PCDHGB5: variants seen among roughly 807,000 people sequenced by gnomAD.
PCDHGB5 encodes the protein protocadherin gamma-B5.
A neutral mutation model predicts 62.9 loss-of-function variants in PCDHGB5; 48 were observed. That is an observed-to-expected ratio of 0.76 (90% confidence interval 0.61 to 0.97). PCDHGB5 has a LOEUF of 0.97. PCDHGB5 is among the 50% of genes least tolerant of loss of function. The probability of loss-of-function intolerance (pLI) is 0.00; values close to 1 mark genes in which losing one functional copy is unlikely to be tolerated. For missense variants in PCDHGB5, 1,118 were observed against 1,198.6 expected, an observed-to-expected ratio of 0.93 and a Z score of 0.99; for synonymous variants, 474 against 511.2, an observed-to-expected ratio of 0.93 and a Z score of 0.98.
Position 141,490,743 on chromosome 5 carries a change from C to T in PCDHGB5, c.2398-4064C>T, listed in dbSNP as rs1011278142. 7.4e-6 allele frequency: 12 copies of T among 1,614,058 alleles called. No homozygotes were observed. The highest frequency in any genetic ancestry group is 1.0e-5 in the Non-Finnish European group (12 of 1,180,038). On this transcript the variant is annotated intron_variant, in intron 1 of 3. Transcript: ENST00000617380. This position sits in a 1 kb window ranked among gnomAD's most constrained non-coding sequence, Gnocchi z 5.4. ...TTGTAGGAAATCAGGTTCAGGGAGC[C>T]CCAGCCTCCTCCTTTGTGTATGTCA...
intron 1 of PCDHGB5, among the ~76,000 whole-genome samples, chr5:141,407,377 C>A (rs1436703926): frequency 6.6e-6 from 1 of 152,170 alleles, no homozygotes; most frequent in Non-Finnish European, 1.5e-5. Context: ...TCCATGAAGG[C>A]TTGTATGTCA....
At chr5:141,459,703 T>G (rs2098973426) in intron 1 of PCDHGB5, among the ~76,000 whole-genome samples, 1 of 152,226 alleles carries the variant, frequency 6.6e-6, no homozygotes, top group African/African-American at 2.4e-5. Context: ...CTTGCTACAT[T>G]TTCTCACCAA....
At chr5:141,419,762 A>G in intron 1 of PCDHGB5, 1 of 1,614,008 alleles carries the variant, frequency 6.2e-7, no homozygotes, top group Non-Finnish European at 8.5e-7. Context: ...TTTGGGTGAC[A>G]AGGACTCGGT....
intron 1 of PCDHGB5, chr5:141,403,047 G>T: frequency 6.2e-7 from 1 of 1,614,062 alleles, no homozygotes; most frequent in Non-Finnish European, 8.5e-7. Flanking sequence ...AGTCAGATTC[G>T]CTACTCAGTG....
At chr5:141,433,381 A>ATCTG (rs1561869478) in intron 1 of PCDHGB5, among the ~76,000 whole-genome samples, 2 of 151,148 alleles carry the variant, frequency 1.3e-5, no homozygotes, top group Non-Finnish European at 2.9e-5. Flanking sequence ...CTATCTATCT[A>ATCTG]TCTATCTATC....
rs537619617 is a variant in PCDHGB5 at position 141,483,429 on chromosome 5, C to G, written c.2398-11378C>G. On this transcript the variant is annotated intron_variant, in intron 1 of 3. Coordinates refer to ENST00000617380, the MANE Select transcript of PCDHGB5 (RefSeq NM_018925.3). ...ACAGTGGCAGTACAGATGGAGGGAGCTGACTACAATAAAATCATCAGGACT... is the reference window on the plus strand; with the variant it reads ...ACAGTGGCAGTACAGATGGAGGGAGGTGACTACAATAAAATCATCAGGACT... Among the ~76,000 whole-genome samples the G allele has an allele frequency of 5.3e-5, 8 of 152,158 alleles. No individual in the cohort carries two copies. In the East Asian group the frequency reaches 1.5e-3, roughly 29 times the overall value.
At chr5:141,499,289 C>T in intron 2 of PCDHGB5, among the ~76,000 whole-genome samples, 1 of 152,212 alleles carries the variant, frequency 6.6e-6, no homozygotes, top group African/African-American at 2.4e-5. Context: ...GATGGCTCCA[C>T]ACTACCATCC....
intron 2 of PCDHGB5, among the ~76,000 whole-genome samples, chr5:141,496,492 C>A (rs2099769172): frequency 6.6e-6 from 1 of 152,186 alleles, no homozygotes; most frequent in Non-Finnish European, 1.5e-5. Context: ...CCAACCAAAC[C>A]CTTGTTGCCA....
In PCDHGB5 at chr5:141,477,650, A is replaced by G. The variant is rs199931735; in HGVS notation, c.2398-17157A>G. ...CGGGCTAGTGGGTCGCTATTTCACA[A>G]TAAATCGTGACAATGGCATAGTGTC... On this transcript the variant is annotated intron_variant, in intron 1 of 3. Transcript: ENST00000617380. This position sits in a 1 kb window ranked among gnomAD's most constrained non-coding sequence, Gnocchi z 4.9. The G allele has an allele frequency of 6.2e-6, 10 of 1,614,212 alleles. No individual in the cohort carries two copies. The highest frequency in any genetic ancestry group is 2.2e-5 in the East Asian group (1 of 44,888).
chr5:141,431,296 C>T lies in PCDHGB5; in HGVS notation c.2397+30772C>T, dbSNP rs2097358592. On this transcript the variant is annotated intron_variant, in intron 1 of 3. Transcript: ENST00000617380. The surrounding 1 kb of genome is among the most constrained non-coding windows in gnomAD (Gnocchi z 4.8). ...AGCTCAGCCCGAACACTCACTTCTC[C>T]CTCATCGTGCAAAATGGAGCCGACG... The T allele has an allele frequency of 1.9e-6, 3 of 1,614,018 alleles. No individual in the cohort carries two copies. Among genetic ancestry groups the T allele is most frequent in the Non-Finnish European group, 2.5e-6 (3 of 1,180,048 alleles).
chr5:141,446,482 CTT>C (rs112180482), intron 1 of PCDHGB5, among the ~76,000 whole-genome samples: 6 of 147,048 alleles, frequency 4.1e-5, no homozygotes, highest in East Asian at 4.0e-4. Context: ...GGTCATCATT[CTT>C]TTTTTTTTTT....
At chr5:141,410,698 C>G in intron 1 of PCDHGB5, 1 of 1,482,836 alleles carries the variant, frequency 6.7e-7, no homozygotes, top group Non-Finnish European at 9.0e-7. Context: ...ACTTTATTTT[C>G]ATATCTAGAA....
At position 141,490,788 on chromosome 5, in the gene PCDHGB5, C is replaced by G. The variant is rs2099704332; in HGVS notation, c.2398-4019C>G. ...ATGTCAACCCAGAGGATGGACGGAT[C>G]TTTGCCCAGCGTACCTTTGACTATG... On this transcript the variant is annotated intron_variant, in intron 1 of 3. Coordinates refer to ENST00000617380, the MANE Select transcript of PCDHGB5 (RefSeq NM_018925.3). The surrounding 1 kb of genome is among the most constrained non-coding windows in gnomAD (Gnocchi z 5.4). 6.2e-7 allele frequency: 1 copy of G among 1,613,918 alleles called. No homozygotes were observed. The highest frequency in any genetic ancestry group is 1.1e-5 in the South Asian group (1 of 91,084).
rs768907590 is a variant in PCDHGB5, at chr5:141,422,045, G to C, written c.2397+21521G>C. Reference sequence around the variant, plus strand: ...GTTAATGCAACGGATCCAGACGAGGGAATCAACGGGGAAGTAATGTATTCA... The same window carrying C: ...GTTAATGCAACGGATCCAGACGAGGCAATCAACGGGGAAGTAATGTATTCA... On this transcript the variant is annotated intron_variant, in intron 1 of 3. Transcript: ENST00000617380. 1.5e-5 allele frequency: 24 copies of C among 1,611,434 alleles called. No individual in the cohort carries two copies. The Admixed American group carries it at 3.9e-4, about 26-fold the overall frequency.
rs548002755 is a variant in PCDHGB5, at chr5:141,409,062, G to A, written c.2397+8538G>A. On this transcript the variant is annotated intron_variant, in intron 1 of 3. Coordinates refer to ENST00000617380, the MANE Select transcript of PCDHGB5 (RefSeq NM_018925.3). ...TACTACTTCCGAAGCACTGCCCAGAGCACAAAACATATGTTCTCATTGGAT... is the reference window on the plus strand; with the variant it reads ...TACTACTTCCGAAGCACTGCCCAGAACACAAAACATATGTTCTCATTGGAT... The A allele has an allele frequency of 3.1e-6, 5 of 1,614,000 alleles. No homozygotes were observed. The South Asian group carries it at 4.4e-5, about 14-fold the overall frequency.
intron 1 of PCDHGB5, chr5:141,422,964 G>A: frequency 1.2e-6 from 2 of 1,614,190 alleles, no homozygotes; most frequent in Non-Finnish European, 1.7e-6. Flanking sequence ...TGGAGCTGGC[G>A]CCCCGCTCTG....
At chr5:141,440,841 A>G (rs1361003883) in intron 1 of PCDHGB5, 5 of 152,114 alleles carry the variant, frequency 3.3e-5, no homozygotes, top group Admixed American at 1.3e-4. Flanking sequence ...GTTGAAGCCA[A>G]TGACAACCCT....
Position 141,489,902 on chromosome 5 carries a change from C to A in PCDHGB5, c.2398-4905C>A. ...ACTGCTGTGGATGGGGGGACCCCAGCCCGCTCAGGGACCACCCTTATCTCT... is the reference window on the plus strand; with the variant it reads ...ACTGCTGTGGATGGGGGGACCCCAGACCGCTCAGGGACCACCCTTATCTCT... On this transcript the variant is annotated intron_variant, in intron 1 of 3. Transcript: ENST00000617380. The surrounding 1 kb of genome is among the most constrained non-coding windows in gnomAD (Gnocchi z 4.5). 1 of 1,614,218 alleles carries A rather than the reference C, an allele frequency of 6.2e-7. No individual in the cohort carries two copies. The highest frequency in any genetic ancestry group is 8.5e-7 in the Non-Finnish European group (1 of 1,180,032).
At chr5:141,423,187 C>G in intron 1 of PCDHGB5, 5 of 1,613,640 alleles carry the variant, frequency 3.1e-6, no homozygotes, top group Middle Eastern at 1.6e-4. Context: ...CGGCCAGCCC[C>G]CTCTCTCGGC....
Sources: gnomAD v4.1 joint callset for allele counts (sites outside exome capture counted in the v4.1 genomes callset) on GRCh38, gnomAD v4.1.1 for gene constraint, Gnocchi (gnomAD v3.1) non-coding constraint, MANE v1.5 for transcripts, NCBI Gene and HGNC (gene_info 2026-07-23, HGNC 2026-07-21) for gene names.